Variants in LRRC7 observed in about 807,000 individuals in gnomAD.
The protein encoded by LRRC7 is leucine rich repeat containing 7.
LRRC7 carries 23 observed loss-of-function variants against 175.7 expected under a neutral mutation model. The ratio of observed to expected loss-of-function variants is 0.13; its 90% CI spans 0.09 to 0.19. The LOEUF is 0.19. Ranked by LOEUF, LRRC7 falls within the 10% of genes least tolerant of loss-of-function variation. The pLI is 1.00. For synonymous variants in LRRC7, 685 were observed against 680.9 expected, an observed-to-expected ratio of 1.01 and a Z score of -0.09; for missense variants, 1,354 against 1,904.7, an observed-to-expected ratio of 0.71 and a Z score of 5.38.
chr1:69,991,894 C>T (rs907239043), intron 10 of LRRC7, among the ~76,000 whole-genome samples: 1 of 151,990 alleles, frequency 6.6e-6, no homozygotes, highest in African/African-American at 2.4e-5. Flanking sequence ...TTTTCCTCTT[C>T]TAGATGGAGA....
At chr1:69,738,704 T>C (rs956024179) in intron 2 of LRRC7, among the ~76,000 whole-genome samples, 1 of 152,040 alleles carries the variant, frequency 6.6e-6, no homozygotes, top group East Asian at 1.9e-4. Context: ...CTGTTCCTTG[T>C]AAAGGCAAGG....
chr1:69,851,740 G>T, intron 7 of LRRC7, among the ~76,000 whole-genome samples: 1 of 152,122 alleles, frequency 6.6e-6, no homozygotes, highest in East Asian at 1.9e-4. Flanking sequence ...TGGTGTCCTA[G>T]AATCTTCTGG....
rs1657693739 is a variant in LRRC7 at position 70,023,160 on chromosome 1, A to T, written c.1580A>T (p.Gln527Leu). Residue 527 changes from glutamine to leucine, a missense_variant, in exon 17 of 27, where the codon CAG (glutamine) becomes CTG (leucine). Gln to Leu is a moderately radical substitution (Grantham distance 113). Around this residue, in one of 4 missense-constraint regions of LRRC7, gnomAD observed 1,032 missense variants for 1,227.2 expected, o/e 0.84. Transcript: ENST00000651989. The stretch of plus-strand genomic sequence containing the variant: ...TGCCAAGCCCCCTGGGAAAGGGGCC[A>T]GCGTGGGATTACTCTCCAACCTGCC... ...LSCQAPWERG[Q>L]RGITLQPARL... The T allele has an allele frequency of 1.4e-6, 2 of 1,477,838 alleles. No individual in the cohort carries two copies. Among genetic ancestry groups the T allele is most frequent in the Admixed American group, 3.9e-5 (2 of 51,248 alleles). The allele number at this position is 1,477,838 out of a possible 1,614,324, so 91.5% of individuals were successfully genotyped here.
At chr1:70,096,320 A>G (rs72917803) in intron 25 of LRRC7, among the ~76,000 whole-genome samples, 3,870 of 152,302 alleles carry the variant, frequency 0.025, 192 homozygotes, top group African/African-American at 0.09. Context: ...TATAAATAGT[A>G]TAGTTTTACA....
At chr1:69,859,267 G>C in intron 7 of LRRC7, among the ~76,000 whole-genome samples, 1 of 152,050 alleles carries the variant, frequency 6.6e-6, no homozygotes, top group East Asian at 1.9e-4. Flanking sequence ...TGAGAGTCTT[G>C]ATTTTTTCAG....
intron 11 of LRRC7, among the ~76,000 whole-genome samples, chr1:70,005,141 T>C (rs1655889584): frequency 6.6e-6 from 1 of 152,104 alleles, no homozygotes; most frequent in African/African-American, 2.4e-5. Flanking sequence ...AAACTCTATA[T>C]GTTAGATGTT....
At chr1:69,858,492 G>A (rs2101518746) in intron 7 of LRRC7, among the ~76,000 whole-genome samples, 1 of 151,466 alleles carries the variant, frequency 6.6e-6, no homozygotes, top group South Asian at 2.1e-4. Flanking sequence ...GGGCCATCCA[G>A]GCTACACCAA....
intron 7 of LRRC7, among the ~76,000 whole-genome samples, chr1:69,862,267 C>G (rs573835548): frequency 6.6e-6 from 1 of 152,086 alleles, no homozygotes; most frequent in African/African-American, 2.4e-5. Flanking sequence ...CCAGGTTGAA[C>G]GTGGAAAACT....
intron 2 of LRRC7, among the ~76,000 whole-genome samples, chr1:69,690,850 G>T (rs893672225): frequency 1.3e-5 from 2 of 152,128 alleles, no homozygotes; most frequent in Admixed American, 6.5e-5. Context: ...TGGAAAATTG[G>T]AGTTGTTGGT....
chr1:69,823,775 A>C (rs1186453587), intron 4 of LRRC7, among the ~76,000 whole-genome samples: 2 of 152,172 alleles, frequency 1.3e-5, no homozygotes, highest in East Asian at 3.8e-4. Context: ...GCATTATTAC[A>C]GCACTTTGTG....
At chr1:70,083,787 T>C (rs1354125593) in intron 24 of LRRC7, among the ~76,000 whole-genome samples, 1 of 152,046 alleles carries the variant, frequency 6.6e-6, no homozygotes, top group East Asian at 1.9e-4. Context: ...TGATTCCCCT[T>C]CCTCACAGTC....
At chr1:70,072,877 A>G (rs567332830) in intron 23 of LRRC7, among the ~76,000 whole-genome samples, 2 of 152,242 alleles carry the variant, frequency 1.3e-5, no homozygotes, top group African/African-American at 2.4e-5. Context: ...CCTCTCAACA[A>G]CTTGATCCTT....
At chr1:70,116,568 C>G (rs1202163844) in intron 26 of LRRC7, among the ~76,000 whole-genome samples, 1 of 143,672 alleles carries the variant, frequency 7.0e-6, no homozygotes, top group Non-Finnish European at 1.5e-5. Flanking sequence ...AAAAAAAACA[C>G]AGAAATTCTT....
chr1:69,700,476 C>G (rs1557618992), intron 2 of LRRC7, among the ~76,000 whole-genome samples: 2 of 152,148 alleles, frequency 1.3e-5, no homozygotes, highest in Admixed American at 6.5e-5. Context: ...TTATAGTATC[C>G]TGTTCTTCTA....
Position 70,011,942 on chromosome 1 carries a change from G to C in LRRC7, c.1134+16G>C. On this transcript the variant is annotated intron_variant, in intron 12 of 26. Transcript: ENST00000651989. Reference sequence around the variant, plus strand: ...ACCCAGAGAAGTGAGAAATAAACTTGTTTTCTATTTATTAACTTTTAATTA... The same window carrying C: ...ACCCAGAGAAGTGAGAAATAAACTTCTTTTCTATTTATTAACTTTTAATTA... The C allele has an allele frequency of 6.3e-7, 1 of 1,577,398 alleles. No homozygotes were observed. Among genetic ancestry groups the C allele is most frequent in the Non-Finnish European group, 8.7e-7 (1 of 1,149,856 alleles).
At chr1:69,887,534 A>G (rs913761073) in intron 7 of LRRC7, among the ~76,000 whole-genome samples, 1 of 150,852 alleles carries the variant, frequency 6.6e-6, no homozygotes, top group Non-Finnish European at 1.5e-5. Context: ...TTTTTTTCAA[A>G]GTTTTCAACT....
intron 1 of LRRC7, among the ~76,000 whole-genome samples, chr1:69,574,566 G>C (rs1305715245): frequency 6.6e-6 from 1 of 152,036 alleles, no homozygotes; most frequent in Non-Finnish European, 1.5e-5. Context: ...GGTAGGTAAT[G>C]GACACAAAGC....
chr1:69,816,307 C>G (rs1472692758), intron 4 of LRRC7, among the ~76,000 whole-genome samples: 1 of 152,160 alleles, frequency 6.6e-6, no homozygotes, highest in Non-Finnish European at 1.5e-5. Context: ...GGGCACTTAT[C>G]CTATTCATGA....
intron 1 of LRRC7, among the ~76,000 whole-genome samples, chr1:69,649,260 T>C (rs1484555299): frequency 1.3e-5 from 2 of 152,232 alleles, no homozygotes; most frequent in African/African-American, 2.4e-5. Context: ...ATTTACTTCA[T>C]AAAGTACCTA....
Sources: allele counts gnomAD v4.1 joint callset (sites outside exome capture counted in the v4.1 genomes callset), GRCh38; gene constraint gnomAD v4.1.1; regional missense constraint gnomAD v4.1.1; transcripts MANE v1.5; gene names NCBI Gene and HGNC (gene_info 2026-07-23, HGNC 2026-07-21).